Variants in MYSM1 observed in about 807,000 individuals in gnomAD.
MYSM1 encodes the protein Myb like, SWIRM and MPN domains 1, also known as deubiquitinase MYSM1.
In MYSM1, 51 loss-of-function variants were observed where a neutral mutation model predicts 116.0. The ratio of observed to expected loss-of-function variants is 0.44; its 90% CI spans 0.35 to 0.56. MYSM1 has a LOEUF of 0.56. Ranked by LOEUF, MYSM1 falls within the 20% of genes least tolerant of loss-of-function variation. MYSM1 has a pLI of 0.00. For synonymous variants in MYSM1, 313 were observed against 315.2 expected, an observed-to-expected ratio of 0.99 and a Z score of 0.07; for missense variants, 900 against 974.9, an observed-to-expected ratio of 0.92 and a Z score of 1.02.
At chr1:58,688,354 T>C (rs1644858115) in intron 6 of MYSM1, among the ~76,000 whole-genome samples, 1 of 151,584 alleles carries the variant, frequency 6.6e-6, no homozygotes, top group Non-Finnish European at 1.5e-5. Flanking sequence ...CAAAATTACT[T>C]AGAACATTAC....
chr1:58,678,254 T>C (rs536214087), intron 8 of MYSM1, among the ~76,000 whole-genome samples: 1 of 152,224 alleles, frequency 6.6e-6, no homozygotes, highest in African/African-American at 2.4e-5. Context: ...GTACCACACC[T>C]TCCATAGAAA....
chr1:58,667,225 A>T lies in MYSM1; in HGVS notation c.1844T>A (p.Val615Asp). 6.5e-7 allele frequency: 1 copy of T among 1,533,590 alleles called. No homozygotes were observed. The highest frequency in any genetic ancestry group is 8.8e-7 in the Non-Finnish European group (1 of 1,135,350). The allele number at this position is 1,533,590 out of a possible 1,614,324, so 95.0% of individuals were successfully genotyped here. The change falls in exon 16 of 20, where the codon GTC (valine) becomes GAC (aspartate). Residue 615 changes from valine to aspartate, a missense_variant and splice_region_variant. By Grantham distance (152) the Val-to-Asp change is radical. This residue lies in a region of MYSM1 where 92 missense variants were observed against 155.0 expected (regional missense o/e 0.59). Transcript: ENST00000472487. ...ACTGTTACATGGTTCTGCTGCACAGACCTATAAACGATTGATCCTCAAATG... is the reference window on the plus strand; with the variant it reads ...ACTGTTACATGGTTCTGCTGCACAGTCCTATAAACGATTGATCCTCAAATG... ...RYSEVDKVVE[V>D]CAAEPCNSLS...
chr1:58,692,739 T>C (rs981241584), intron 3 of MYSM1, 122 bp downstream of exon 3: 21 of 614,884 alleles, frequency 3.4e-5, no homozygotes, highest in Non-Finnish European at 5.5e-5. Flanking sequence ...CATGAAATTA[T>C]ATAATAGCAG....
Position 58,682,448 on chromosome 1 carries a change from G to A in MYSM1, c.596C>T (p.Ser199Leu), listed in dbSNP as rs1644760200. Residue 199 changes from serine (S) to leucine (L), a missense_variant, in exon 8 of 20, where the codon TCA (serine) becomes TTA (leucine). Ser to Leu is a moderately radical substitution (Grantham distance 145, BLOSUM62 -2). Around this residue, in one of 3 missense-constraint regions of MYSM1, gnomAD observed 622 missense variants for 623.7 expected, o/e 1.00. Coordinates refer to ENST00000472487, the MANE Select transcript of MYSM1 (RefSeq NM_001085487.3). Reference protein sequence around the residue: ...EDKGTKAWTPSCLRGRADPNL... With the variant: ...EDKGTKAWTPLCLRGRADPNL... ...GGGATCAGCACGTCCCCTTAAACAT[G>A]ATGGTGTCCATGCCTTTGTCCCTTT... 1 of 1,614,142 alleles carries A rather than the reference G, an allele frequency of 6.2e-7. No homozygotes were observed. Among genetic ancestry groups the A allele is most frequent in the African/African-American group, 1.3e-5 (1 of 75,046 alleles).
At chr1:58,671,009 T>C (rs1315396630) in intron 12 of MYSM1, among the ~76,000 whole-genome samples, 2 of 152,354 alleles carry the variant, frequency 1.3e-5, no homozygotes, top group East Asian at 1.9e-4. Flanking sequence ...GTTTATCTAA[T>C]TCAGTCTCAC....
At chr1:58,680,766 G>A (rs145030001) in intron 8 of MYSM1, among the ~76,000 whole-genome samples, 171 of 152,166 alleles carry the variant, frequency 1.1e-3, no homozygotes, top group Non-Finnish European at 2.0e-3. Flanking sequence ...TGTAAAGATG[G>A]CCCTATACAA....
intron 11 of MYSM1, 105 bp from the exon 12 acceptor site, chr1:58,672,063 C>T (rs1644569861): frequency 1.1e-5 from 9 of 822,980 alleles, no homozygotes; most frequent in South Asian, 4.9e-5. Flanking sequence ...ACAAGAGAGA[C>T]TAAATTGATA....
chr1:58,668,791 C>T, intron 13 of MYSM1, 109 bp from the exon 14 acceptor site: 1 of 1,067,552 alleles, frequency 9.4e-7, no homozygotes, highest in Non-Finnish European at 1.4e-6. Context: ...ACCAAGTTCT[C>T]AGCACTAACC....
intron 1 of MYSM1, among the ~76,000 whole-genome samples, chr1:58,695,914 G>T (rs1644967333): frequency 6.6e-6 from 1 of 152,146 alleles, no homozygotes; most frequent in Non-Finnish European, 1.5e-5. Context: ...GTTTTGGGGG[G>T]CTCAATCCAT....
chr1:58,671,919 C>T lies in MYSM1; in HGVS notation c.1612G>A (p.Glu538Lys), dbSNP rs1485436191. 5 of 1,612,926 alleles carry T rather than the reference C, an allele frequency of 3.1e-6. No individual in the cohort carries two copies. The highest frequency in any genetic ancestry group is 4.2e-6 in the Non-Finnish European group (5 of 1,179,488). Residue 538 changes from glutamate to lysine, a missense_variant, in exon 12 of 20, where the codon GAA becomes AAA. Physicochemically the swap from Glu to Lys is moderately conservative, Grantham distance 56. Transcript: ENST00000472487. ...AAAGATTTAACAGGTCTGCCTTTTT[C>T]CTCTTCTCTTCTTTTTGCCAACTCC... ...AEELAKRREE[E>K]KGRPVKSLKV... is the part of the protein sequence containing the mutation.
chr1:58,661,221 G>C lies in MYSM1; in HGVS notation c.2277C>G (p.Val759=). 1.2e-6 allele frequency: 2 copies of C among 1,612,874 alleles called. No homozygotes were observed. Among genetic ancestry groups the C allele is most frequent in the South Asian group, 2.2e-5 (2 of 91,050 alleles). ...IEKYRLSHSS[V]PMDKIFRRDS... is the part of the protein sequence containing the mutation. Reference sequence around the variant, plus strand: ...CCCGGCGAAAGATTTTATCCATGGGGACGCTGCTGTAGGAAGAAATATGAA... The same window carrying C: ...CCCGGCGAAAGATTTTATCCATGGGCACGCTGCTGTAGGAAGAAATATGAA... Residue 759 remains valine (V), a synonymous_variant, in exon 19 of 20, where the codon GTC becomes GTG. Transcript: ENST00000472487.
At chr1:58,685,379 A>G (rs1569781376) in intron 6 of MYSM1, 128 bp from the exon 7 acceptor site, 1 of 612,142 alleles carries the variant, frequency 1.6e-6, no homozygotes. Flanking sequence ...AGCACACAAT[A>G]AAGTCTTCTA....
intron 12 of MYSM1, among the ~76,000 whole-genome samples, 195 bp from the exon 13 acceptor site, chr1:58,669,233 AG>A (rs1644519595): frequency 6.6e-6 from 1 of 151,986 alleles, no homozygotes; most frequent in African/African-American, 2.4e-5. Flanking sequence ...AAAAAAACCC[AG>A]GAACTTTGAG....
chr1:58,660,926 A>C (rs1644380369), intron 19 of MYSM1, among the ~76,000 whole-genome samples: 1 of 152,170 alleles, frequency 6.6e-6, no homozygotes, highest in African/African-American at 2.4e-5. Context: ...GTATAATAAT[A>C]ATCTGCTAAA....
At chr1:58,672,017 A>G in intron 11 of MYSM1, 59 bp from the exon 12 acceptor site, 1 of 1,371,360 alleles carries the variant, frequency 7.3e-7, no homozygotes, top group South Asian at 1.2e-5. Context: ...CAGAATAAAA[A>G]TAGTCCTTTA....
chr1:58,661,449 C>T lies in MYSM1; in HGVS notation c.2227G>A (p.Glu743Lys). ...LEEPQWGLVFEKTRWIIEKYR... is the reference protein window; with the variant it reads ...LEEPQWGLVFKKTRWIIEKYR... ...TTTTCTATTATCCATCTTGTCTTTT[C>T]AAATACTAATCCCCACTGAGGTTCT... The change falls in exon 18 of 20, where the codon GAA becomes AAA. Residue 743 changes from glutamate to lysine, a missense_variant. Coordinates refer to ENST00000472487, the MANE Select transcript of MYSM1 (RefSeq NM_001085487.3). 1.2e-6 allele frequency: 2 copies of T among 1,608,794 alleles called. No individual in the cohort carries two copies. The highest frequency in any genetic ancestry group is 1.7e-6 in the Non-Finnish European group (2 of 1,175,532).
chr1:58,693,191 C>T (rs1644926760), intron 2 of MYSM1, among the ~76,000 whole-genome samples: 1 of 152,144 alleles, frequency 6.6e-6, no homozygotes, highest in Admixed American at 6.6e-5. Context: ...GGCTCATGCT[C>T]CTGCCCAGGA....
Position 58,658,922 on chromosome 1 carries a change from G to C in MYSM1, c.*1075C>G, listed in dbSNP as rs779320207. 4.7e-5 allele frequency: 7 copies of C among 147,624 alleles called. No homozygotes were observed. Among genetic ancestry groups the C allele is most frequent in the African/African-American group, 7.4e-5 (3 of 40,296 alleles). The allele number at this position is 147,624 out of a possible 1,614,324, so 9.1% of individuals were successfully genotyped here. ...AGCCTATGTTTTATGAGGCCTGTGA[G>C]TTAACAATGGTTTTTATCATTTTAA... On this transcript the variant is annotated 3_prime_UTR_variant, in exon 20 of 20. Coordinates refer to ENST00000472487, the MANE Select transcript of MYSM1 (RefSeq NM_001085487.3).
At position 58,654,845 on chromosome 1, in the gene MYSM1, C is replaced by T. The variant is rs1644298696; in HGVS notation, c.*5152G>A. ...AAATCAGATATCTTATAATGTGTCA[C>T]AATTAAGTATGGAGAGTTCTGTCAT... On this transcript the variant is annotated 3_prime_UTR_variant, in exon 20 of 20. Coordinates refer to ENST00000472487, the MANE Select transcript of MYSM1 (RefSeq NM_001085487.3). 1 of 151,964 alleles carries T rather than the reference C, an allele frequency of 6.6e-6. No homozygotes were observed. The highest frequency in any genetic ancestry group is 2.4e-5 in the African/African-American group (1 of 41,438). 9.4% of individuals were successfully genotyped at this position (151,964 alleles called of 1,614,324 possible).
Sources: gnomAD v4.1 joint callset for allele counts (sites outside exome capture counted in the v4.1 genomes callset) on GRCh38, gnomAD v4.1.1 for gene constraint, gnomAD v4.1.1 regional missense constraint, MANE v1.5 for transcripts, NCBI Gene and HGNC (gene_info 2026-07-23, HGNC 2026-07-21) for gene names.